EPS15L1: variants seen among roughly 807,000 people sequenced by gnomAD.
EPS15L1 encodes epidermal growth factor receptor substrate 15-like 1.
EPS15L1 carries 43 observed loss-of-function variants against 117.1 expected under a neutral mutation model. That is an observed-to-expected ratio of 0.37 (90% CI 0.29 to 0.47). The LOEUF is 0.47. Ranked by LOEUF, EPS15L1 falls within the 20% of genes least tolerant of loss-of-function variation. The probability of loss-of-function intolerance (pLI) is 0.99; values close to 1 mark genes in which losing one functional copy is unlikely to be tolerated. For missense variants in EPS15L1, 981 were observed against 1,164.0 expected, an observed-to-expected ratio of 0.84 and a Z score of 2.29; for synonymous variants, 459 against 470.5, an observed-to-expected ratio of 0.98 and a Z score of 0.32.
At chr19:16,464,353 G>A (rs1158336223) in intron 1 of EPS15L1, among the ~76,000 whole-genome samples, 1 of 152,166 alleles carries the variant, frequency 6.6e-6, no homozygotes, top group African/African-American at 2.4e-5. Context: ...TCTGACCAGC[G>A]GTAAAACCCA....
chr19:16,394,050 C>T (rs377042255), intron 17 of EPS15L1, 49 bp from the exon 18 acceptor site: 11 of 1,576,344 alleles, frequency 7.0e-6, no homozygotes, highest in South Asian at 2.2e-5. Flanking sequence ...GCACAGGATG[C>T]GGGCCGGGCC....
chr19:16,389,122 G>A (rs555086987), intron 19 of EPS15L1, among the ~76,000 whole-genome samples: 50 of 151,164 alleles, frequency 3.3e-4, no homozygotes, highest in Non-Finnish European at 6.8e-4. Flanking sequence ...GAAATCGCTT[G>A]AACTTGGGAG....
intron 8 of EPS15L1, among the ~76,000 whole-genome samples, chr19:16,426,023 G>C (rs1057395846): frequency 6.6e-6 from 1 of 152,202 alleles, no homozygotes; most frequent in African/African-American, 2.4e-5. Context: ...AACTCTCATG[G>C]AAGAGTCTGA....
Position 16,421,445 on chromosome 19 carries a change from T to G in EPS15L1, c.824A>C (p.Asp275Ala). 1.2e-6 allele frequency: 2 copies of G among 1,613,950 alleles called. No individual in the cohort carries two copies. The highest frequency in any genetic ancestry group is 1.7e-6 in the Non-Finnish European group (2 of 1,179,778). Residue 275 changes from aspartate (D) to alanine (A), a missense_variant, in exon 10 of 24, where the codon GAC becomes GCC. This residue lies in a region of EPS15L1 where 819 missense variants were observed against 949.0 expected (regional missense o/e 0.86). Coordinates refer to ENST00000455140, the MANE Select transcript of EPS15L1 (RefSeq NM_001258374.3). ...GAATATCTCATCAAATCGCATCTTG[T>G]CTGCCACGGGCACCACCCAGTTCAC... ...PTVNWVVPVA[D>A]KMRFDEIFLK...
rs369551491 is a variant in EPS15L1, at chr19:16,362,377, T to TAAA, written c.2381-396_2381-394dup. ...AAAATACACTGCAAGCTTCTAACAG[T>TAAA]AAAAAAAAAAAAAGGCAGAGGGGAG... is the stretch of plus-strand genomic sequence containing the variant. On this transcript the variant is annotated intron_variant, in intron 22 of 23. Transcript: ENST00000455140. 3.6e-4 allele frequency among the ~76,000 whole-genome samples: 49 copies of TAAA among 137,244 alleles called. 1 individual carries two copies. The highest frequency in any genetic ancestry group is 1.2e-3 in the South Asian group (5 of 4,272). The allele number at this position is 137,244 out of a possible 152,430, so 90.0% of individuals were successfully genotyped here. A position where few individuals can be genotyped will look rare whatever the true frequency, so the allele number is the denominator to read the frequency against.
At chr19:16,447,478 G>A (rs573049639) in intron 1 of EPS15L1, among the ~76,000 whole-genome samples, 2 of 152,254 alleles carry the variant, frequency 1.3e-5, no homozygotes, top group South Asian at 2.1e-4. Context: ...AGTATTACAG[G>A]GCCAGGCACT....
At position 16,395,018 on chromosome 19, in the gene EPS15L1, G is replaced by A. The variant is rs377182258; in HGVS notation, c.1915+326C>T. Among the ~76,000 whole-genome samples, 34 of 152,040 alleles carry A rather than the reference G, an allele frequency of 2.2e-4. No individual in the cohort carries two copies. The East Asian group carries it at 5.0e-3, about 22-fold the overall frequency. Reference sequence around the variant, plus strand: ...GTGGATTACCTGAGGTCAAGAGTTCGAGACCAGACTGGGCAACACAGTGAA... The same window carrying A: ...GTGGATTACCTGAGGTCAAGAGTTCAAGACCAGACTGGGCAACACAGTGAA... On this transcript the variant is annotated intron_variant, in intron 17 of 23. Transcript: ENST00000455140.
At chr19:16,466,903 CAAAA>C (rs1317502176) in intron 1 of EPS15L1, among the ~76,000 whole-genome samples, 1 of 71,456 alleles carries the variant, frequency 1.4e-5, no homozygotes, top group Non-Finnish European at 2.9e-5. Context: ...AACTCTGTCT[CAAAA>C]AAAAAAAAAA....
intron 18 of EPS15L1, among the ~76,000 whole-genome samples, chr19:16,393,657 AAAAAAT>A (rs2092507009): frequency 6.7e-6 from 1 of 149,842 alleles, no homozygotes; most frequent in African/African-American, 2.4e-5. Context: ...TCAAAAAAAA[AAAAAAT>A]AAAAAATAAA....
At chr19:16,428,329 G>A (rs1388787654) in intron 8 of EPS15L1, among the ~76,000 whole-genome samples, 1 of 151,554 alleles carries the variant, frequency 6.6e-6, no homozygotes, top group Non-Finnish European at 1.5e-5. Flanking sequence ...GGCCAAGATC[G>A]GGCCACTGAA....
At position 16,404,742 on chromosome 19, in the gene EPS15L1, T is replaced by C; in HGVS notation, c.1274A>G (p.Gln425Arg). 1 of 1,614,132 alleles carries C rather than the reference T, an allele frequency of 6.2e-7. No homozygotes were observed. Among genetic ancestry groups the C allele is most frequent in the Non-Finnish European group, 8.5e-7 (1 of 1,180,002 alleles). ...RQKTSEVQEL[Q>R]NDLDRETSSL... ...GCTTGTTTCCCGGTCTAGGTCATTT[T>C]GTAATTCCTAGGGAGGAGTTGCAGG... Residue 425 changes from glutamine (Q) to arginine (R), a missense_variant, in exon 14 of 24, where the codon CAA becomes CGA. Coordinates refer to ENST00000455140, the MANE Select transcript of EPS15L1 (RefSeq NM_001258374.3). This position sits in a 1 kb window ranked among gnomAD's most constrained non-coding sequence, Gnocchi z 4.2.
At chr19:16,369,676 A>AGTGTGTGT (rs10543332) in intron 22 of EPS15L1, among the ~76,000 whole-genome samples, 2,608 of 146,112 alleles carry the variant, frequency 0.018, 66 homozygotes, top group African/African-American at 0.055. Flanking sequence ...AAGAAAAAAA[A>AGTGTGTGT]GTGTGTGTGT....
In EPS15L1 at chr19:16,404,004, T is replaced by C. The variant is rs1046066563; in HGVS notation, c.1429-74A>G. The C allele has an allele frequency of 2.2e-6, 3 of 1,382,624 alleles. No homozygotes were observed. Among genetic ancestry groups the C allele is most frequent in the Admixed American group, 2.0e-5 (1 of 51,204 alleles). 85.6% of individuals were successfully genotyped at this position (1,382,624 alleles called of 1,614,324 possible). On this transcript the variant is annotated intron_variant, in intron 14 of 23. Coordinates refer to ENST00000455140, the MANE Select transcript of EPS15L1 (RefSeq NM_001258374.3). The surrounding 1 kb of genome is among the most constrained non-coding windows in gnomAD (Gnocchi z 4.2). ...AAATGGGACTCCGAGAAAGAACTCT[T>C]AGCCCCCATCCCCGAAACAAGCTAA... is the stretch of plus-strand genomic sequence containing the variant.
At chr19:16,385,773 T>C (rs1164055483) in intron 20 of EPS15L1, among the ~76,000 whole-genome samples, 1 of 91,696 alleles carries the variant, frequency 1.1e-5, no homozygotes, top group East Asian at 3.1e-4. Context: ...CATCTGCGAG[T>C]TCTACACTGT....
At chr19:16,463,163 A>G (rs961691153) in intron 1 of EPS15L1, among the ~76,000 whole-genome samples, 6 of 152,176 alleles carry the variant, frequency 3.9e-5, no homozygotes, top group African/African-American at 1.4e-4. Flanking sequence ...GTGGGGTCTC[A>G]CGTGGCTTGG....
intron 16 of EPS15L1, chr19:16,401,947 CT>C (rs2092605462): frequency 9.7e-7 from 1 of 1,027,826 alleles, no homozygotes; most frequent in Non-Finnish European, 1.2e-6. Context: ...CCCCTGCCCC[CT>C]GATTAGTAGA....
At chr19:16,358,664 T>C (rs1317317265) in intron 23 of EPS15L1, among the ~76,000 whole-genome samples, 4 of 152,246 alleles carry the variant, frequency 2.6e-5, no homozygotes, top group Non-Finnish European at 4.4e-5. Context: ...CTCGGCACGC[T>C]GGGCGATGGG....
rs1271565991 is a variant in EPS15L1, at chr19:16,365,157, C to T, written c.2381-3173G>A. Among the ~76,000 whole-genome samples the T allele has an allele frequency of 2.0e-5, 3 of 152,218 alleles. No homozygotes were observed. Among genetic ancestry groups the T allele is most frequent in the Admixed American group, 6.5e-5 (1 of 15,286 alleles). The stretch of plus-strand genomic sequence containing the variant: ...CCCATCATGCCTGTGTTCAGCTCTG[C>T]AGCCAAGCCCTGGGGCTGGGAGTGG... On this transcript the variant is annotated intron_variant, in intron 22 of 23. Coordinates refer to ENST00000455140, the MANE Select transcript of EPS15L1 (RefSeq NM_001258374.3). This position sits in a 1 kb window ranked among gnomAD's most constrained non-coding sequence, Gnocchi z 4.9.
At chr19:16,419,699 C>T (rs930163860) in intron 10 of EPS15L1, among the ~76,000 whole-genome samples, 7 of 152,212 alleles carry the variant, frequency 4.6e-5, no homozygotes, top group South Asian at 2.1e-4. Flanking sequence ...AAATGCAGTC[C>T]GTGAACAGAG....
Sources: gnomAD v4.1 joint callset for allele counts (sites outside exome capture counted in the v4.1 genomes callset) on GRCh38, gnomAD v4.1.1 for gene constraint, gnomAD v4.1.1 regional missense constraint, Gnocchi (gnomAD v3.1) non-coding constraint, MANE v1.5 for transcripts, NCBI Gene and HGNC (gene_info 2026-07-23, HGNC 2026-07-21) for gene names.